The following DDX31 variants were observed in gnomAD, a reference collection of about 807,000 sequenced individuals.
The protein encoded by DDX31 is DEAD-box helicase 31.
In DDX31, 70 loss-of-function variants were observed where a neutral mutation model predicts 91.3. That is an observed-to-expected ratio of 0.77 (90% CI 0.63 to 0.94). The LOEUF (loss-of-function observed/expected upper bound fraction) is 0.94. DDX31 is among the 40% of genes least tolerant of loss of function. The pLI is 0.00. For missense variants in DDX31, 902 were observed against 925.0 expected, an observed-to-expected ratio of 0.98 and a Z score of 0.32; for synonymous variants, 362 against 350.6, an observed-to-expected ratio of 1.03 and a Z score of -0.36.
At chr9:132,627,798 G>A (rs1027838133) in intron 16 of DDX31, among the ~76,000 whole-genome samples, 7 of 152,178 alleles carry the variant, frequency 4.6e-5, no homozygotes, top group Non-Finnish European at 7.3e-5. Flanking sequence ...GCCATTTGTC[G>A]TGCTGGCCCT....
chr9:132,668,569 C>CT (rs35034055), intron 1 of DDX31, among the ~76,000 whole-genome samples: 17 of 127,404 alleles, frequency 1.3e-4, no homozygotes, highest in African/African-American at 2.6e-4. Flanking sequence ...CGGGGTGCAG[C>CT]TTTTTTTTTT....
In DDX31 at chr9:132,638,219, A is replaced by G. The variant is rs935122445; in HGVS notation, c.1440+3785T>C. 2.6e-6 allele frequency: 4 copies of G among 1,542,692 alleles called. No homozygotes were observed. The African/African-American group carries it at 4.1e-5, about 16-fold the overall frequency. On this transcript the variant is annotated intron_variant, in intron 14 of 19. Coordinates refer to ENST00000372159, the MANE Select transcript of DDX31 (RefSeq NM_022779.9). ...AATCAAGGACAGCCACCGGAGACCAACAGAAAACCTAATGTCAGCCTTAAA... is the reference window on the plus strand; with the variant it reads ...AATCAAGGACAGCCACCGGAGACCAGCAGAAAACCTAATGTCAGCCTTAAA...
At chr9:132,632,435 T>C (rs975102783) in intron 14 of DDX31, among the ~76,000 whole-genome samples, 9 of 152,156 alleles carry the variant, frequency 5.9e-5, no homozygotes, top group Non-Finnish European at 1.5e-5. Context: ...ATCCACAGGT[T>C]AGCCTAGGAA....
At chr9:132,651,569 T>C (rs536630631) in intron 7 of DDX31, among the ~76,000 whole-genome samples, 5 of 152,352 alleles carry the variant, frequency 3.3e-5, no homozygotes, top group African/African-American at 9.6e-5. Flanking sequence ...GACTGTATTC[T>C]ACAACTGTGC....
At chr9:132,665,055 AAAT>A (rs1219288842) in intron 1 of DDX31, among the ~76,000 whole-genome samples, 3 of 152,128 alleles carry the variant, frequency 2.0e-5, no homozygotes, top group African/African-American at 7.2e-5. Context: ...GCATTCGACA[AAAT>A]AATAAGCATA....
intron 17 of DDX31, among the ~76,000 whole-genome samples, chr9:132,625,353 C>A (rs77288837): frequency 1.3e-5 from 2 of 151,960 alleles, no homozygotes; most frequent in East Asian, 1.9e-4. Context: ...CAGGGACCAC[C>A]GGGGCTGAGC....
chr9:132,609,236 G>C (rs1490561169), intron 19 of DDX31, among the ~76,000 whole-genome samples: 1 of 152,206 alleles, frequency 6.6e-6, no homozygotes, highest in Admixed American at 6.5e-5. Context: ...GCGCCAGCCA[G>C]ACATCAAAGG....
intron 6 of DDX31, 48 bp from the exon 7 acceptor site, chr9:132,652,540 A>G (rs776132577): frequency 1.8e-5 from 29 of 1,612,060 alleles, no homozygotes; most frequent in Non-Finnish European, 2.3e-5. Flanking sequence ...AAACAAAGGC[A>G]GACTCCAAAC....
At chr9:132,609,550 A>G (rs548476640) in intron 19 of DDX31, among the ~76,000 whole-genome samples, 1 of 152,166 alleles carries the variant, frequency 6.6e-6, no homozygotes, top group Non-Finnish European at 1.5e-5. Context: ...ATAAAGGGAG[A>G]TCATCTGCTA....
intron 19 of DDX31, among the ~76,000 whole-genome samples, chr9:132,611,350 C>G (rs1183810469): frequency 6.6e-6 from 1 of 152,158 alleles, no homozygotes; most frequent in African/African-American, 2.4e-5. Flanking sequence ...ATGAGTGGCT[C>G]ACAGGGCCTC....
intron 11 of DDX31, 71 bp from the exon 12 acceptor site, chr9:132,647,129 C>A: frequency 2.2e-6 from 3 of 1,375,438 alleles, no homozygotes; most frequent in Non-Finnish European, 3.1e-6. Context: ...AGCGTACCCC[C>A]ATACAGCACC....
chr9:132,664,612 G>A (rs1020758192), intron 1 of DDX31, among the ~76,000 whole-genome samples: 21 of 150,446 alleles, frequency 1.4e-4, no homozygotes, highest in African/African-American at 5.1e-4. Flanking sequence ...TGGAGGCTAA[G>A]TTGGGGGCAT....
chr9:132,594,728 G>A lies in DDX31; in HGVS notation c.*138C>T, dbSNP rs1217315679. On this transcript the variant is annotated 3_prime_UTR_variant, in exon 20 of 20. Coordinates refer to ENST00000372159, the MANE Select transcript of DDX31 (RefSeq NM_022779.9). ...GGGCCTCCCATGGAGGAGAAGGGCT[G>A]TGGCCCCTCTGATTCTTGGGGACGT... The A allele has an allele frequency of 1.4e-6, 2 of 1,387,340 alleles. No homozygotes were observed. The highest frequency in any genetic ancestry group is 1.4e-5 in the African/African-American group (1 of 69,366). 85.9% of individuals were successfully genotyped at this position (1,387,340 alleles called of 1,614,324 possible).
intron 9 of DDX31, among the ~76,000 whole-genome samples, chr9:132,649,751 CA>C (rs1373588227): frequency 2.6e-5 from 4 of 152,188 alleles, no homozygotes; most frequent in Non-Finnish European, 5.9e-5. Flanking sequence ...AGAATGAAGA[CA>C]ATTTGAGATT....
chr9:132,607,076 G>A (rs552066621), intron 19 of DDX31, among the ~76,000 whole-genome samples: 2 of 152,302 alleles, frequency 1.3e-5, no homozygotes, highest in South Asian at 2.1e-4. Context: ...TGATTTCCAC[G>A]AGGATGTTTA....
intron 6 of DDX31, among the ~76,000 whole-genome samples, chr9:132,653,976 G>T (rs1047425648): frequency 6.6e-6 from 1 of 151,914 alleles, no homozygotes; most frequent in Non-Finnish European, 1.5e-5. Flanking sequence ...GTTGAGAATA[G>T]AATCAAATAG....
intron 15 of DDX31, 100 bp from the exon 16 acceptor site, chr9:132,630,503 A>G: frequency 8.1e-7 from 1 of 1,227,590 alleles, no homozygotes; most frequent in East Asian, 2.5e-5. Flanking sequence ...CCCAAGAATT[A>G]AATCCTGGTG....
At chr9:132,647,191 C>T (rs1833895947) in intron 11 of DDX31, 133 bp from the exon 12 acceptor site, 2 of 754,200 alleles carry the variant, frequency 2.7e-6, no homozygotes, top group Non-Finnish European at 4.4e-6. Context: ...TCACCAAGTC[C>T]CAGCACTGAT....
chr9:132,624,266 G>C (rs1241490900), intron 17 of DDX31, among the ~76,000 whole-genome samples: 1 of 150,232 alleles, frequency 6.7e-6, no homozygotes, highest in Non-Finnish European at 1.5e-5. Flanking sequence ...CAAGACCAAT[G>C]AAGATCTGTC....
Sources: allele counts gnomAD v4.1 joint callset (sites outside exome capture counted in the v4.1 genomes callset), GRCh38; gene constraint gnomAD v4.1.1; transcripts MANE v1.5; gene names NCBI Gene and HGNC (gene_info 2026-07-23, HGNC 2026-07-21).